CAMSAP1: variants seen among roughly 807,000 people sequenced by gnomAD.
The protein encoded by CAMSAP1 is calmodulin regulated spectrin associated protein 1, also known as calmodulin-regulated spectrin-associated protein 1.
In CAMSAP1, 58 loss-of-function variants were observed where a neutral mutation model predicts 143.5. The observed-to-expected ratio is 0.40, with a 90% CI of 0.33 to 0.50. CAMSAP1 has a LOEUF of 0.50. Ranked by LOEUF, CAMSAP1 falls within the 20% of genes least tolerant of loss-of-function variation. CAMSAP1 has a pLI of 0.45. For synonymous variants in CAMSAP1, 945 were observed against 859.3 expected (o/e 1.10, Z -1.74); for missense variants, 1,969 against 2,115.7 (o/e 0.93, Z 1.36).
At position 135,823,234 on chromosome 9, in the gene CAMSAP1, G is replaced by A. The variant is rs35639321; in HGVS notation, c.1427C>T (p.Ala476Val). The A allele has an allele frequency of 0.034, 53,494 of 1,560,306 alleles. 1,074 individuals carry two copies. Among genetic ancestry groups the A allele is most frequent in the Non-Finnish European group, 0.041 (47,626 of 1,152,182 alleles). ...TRPASQPTPF[A>V]LHHAASCEVD... ...TTCACAACTCGCAGCGTGATGTAGA[G>A]CAAAAGGTGTTGGCTGGGACGCAGG... is the stretch of plus-strand genomic sequence containing the variant. Residue 476 changes from alanine to valine, a missense_variant, in exon 11 of 17, where the codon GCT (alanine) becomes GTT (valine). Physicochemically the swap from Ala to Val is moderately conservative, Grantham distance 64. Transcript: ENST00000389532.
chr9:135,815,294 T>C (rs1363793226), intron 15 of CAMSAP1, 79 bp from the exon 16 acceptor site: 3 of 868,634 alleles, frequency 3.5e-6, no homozygotes, highest in African/African-American at 3.4e-5. Context: ...AGCAATGTCT[T>C]AGAAGCAAGC....
chr9:135,859,191 G>A (rs1163692032), intron 5 of CAMSAP1, among the ~76,000 whole-genome samples: 2 of 152,222 alleles, frequency 1.3e-5, no homozygotes, highest in Non-Finnish European at 2.9e-5. Flanking sequence ...AGTCTCACCT[G>A]TGGCCTTAAT....
Position 135,820,704 on chromosome 9 carries a change from G to C in CAMSAP1, c.3822+135C>G. The C allele has an allele frequency of 8.4e-7, 1 of 1,195,206 alleles. No individual in the cohort carries two copies. The highest frequency in any genetic ancestry group is 1.2e-6 in the Non-Finnish European group (1 of 863,082). 74.0% of individuals were successfully genotyped at this position (1,195,206 alleles called of 1,614,324 possible). A position where few individuals can be genotyped will look rare whatever the true frequency, so the allele number is the denominator to read the frequency against. The stretch of plus-strand genomic sequence containing the variant: ...GGACAGAGACTCTGTGGCCCACAAA[G>C]CTAAACACACACATCCCCTGGCCTC... On this transcript the variant is annotated intron_variant, in intron 11 of 16. Transcript: ENST00000389532. This position sits in a 1 kb window ranked among gnomAD's most constrained non-coding sequence, Gnocchi z 4.4.
At position 135,809,664 on chromosome 9, in the gene CAMSAP1, GAAAT is replaced by G. The variant is rs1264546251; in HGVS notation, c.*1641_*1644del. On this transcript the variant is annotated 3_prime_UTR_variant, in exon 17 of 17. Coordinates refer to ENST00000389532, the MANE Select transcript of CAMSAP1 (RefSeq NM_015447.4). ...TAATATCATATCAAACATACAGTGA[GAAAT>G]AAAGCCCACGTGTGAAAGTATGGTA... The G allele has an allele frequency of 6.6e-6, 1 of 152,630 alleles. No individual in the cohort carries two copies. The highest frequency in any genetic ancestry group is 2.4e-5 in the African/African-American group (1 of 41,450). 9.5% of individuals were successfully genotyped at this position (152,630 alleles called of 1,614,324 possible).
chr9:135,853,773 G>A (rs377649458), intron 5 of CAMSAP1, among the ~76,000 whole-genome samples: 14 of 152,160 alleles, frequency 9.2e-5, no homozygotes, highest in African/African-American at 2.4e-4. Flanking sequence ...CAGAGAACCC[G>A]CTCCGTCAGG....
At chr9:135,845,304 A>ATAAAATTC (rs1836511065) in intron 7 of CAMSAP1, among the ~76,000 whole-genome samples, 1 of 152,240 alleles carries the variant, frequency 6.6e-6, no homozygotes, top group African/African-American at 2.4e-5. Context: ...AAGGCCTTCG[A>ATAAAATTC]TAAAATTCAA....
Position 135,821,681 on chromosome 9 carries a change from G to T in CAMSAP1, c.2980C>A (p.His994Asn). The change falls in exon 11 of 17, where the codon CAC (histidine) becomes AAC (asparagine). Residue 994 changes from histidine to asparagine, a missense_variant. His to Asn is a moderately conservative substitution (Grantham distance 68). Coordinates refer to ENST00000389532, the MANE Select transcript of CAMSAP1 (RefSeq NM_015447.4). This position sits in a 1 kb window ranked among gnomAD's most constrained non-coding sequence, Gnocchi z 4.6. ...QHKAKDPVALHELERNKVISA... is the reference protein window; with the variant it reads ...QHKAKDPVALNELERNKVISA... The stretch of plus-strand genomic sequence containing the variant: ...ATCACCTTATTTCTCTCCAGCTCGT[G>T]CAGAGCCACAGGGTCTTTTGCTTTA... The T allele has an allele frequency of 1.2e-6, 2 of 1,614,026 alleles. No individual in the cohort carries two copies. The highest frequency in any genetic ancestry group is 1.7e-6 in the Non-Finnish European group (2 of 1,179,900).
chr9:135,887,551 T>C (rs1838164517), intron 1 of CAMSAP1, among the ~76,000 whole-genome samples: 1 of 152,088 alleles, frequency 6.6e-6, no homozygotes, highest in African/African-American at 2.4e-5. Context: ...AGGAGGCTGC[T>C]CCTGAGAAAG....
chr9:135,887,790 C>T (rs1418428061), intron 1 of CAMSAP1, among the ~76,000 whole-genome samples: 2 of 151,666 alleles, frequency 1.3e-5, no homozygotes, highest in Non-Finnish European at 2.9e-5. Context: ...AACAAGGACA[C>T]GGGCAGGGCA....
Position 135,822,262 on chromosome 9 carries a change from G to A in CAMSAP1, c.2399C>T (p.Ser800Phe). The change falls in exon 11 of 17, where the codon TCT becomes TTT. Residue 800 changes from serine to phenylalanine, a missense_variant. By Grantham distance (155) the Ser-to-Phe change is radical. Around this residue, in one of 4 missense-constraint regions of CAMSAP1, gnomAD observed 1,390 missense variants for 1,420.8 expected, o/e 0.98. Coordinates refer to ENST00000389532, the MANE Select transcript of CAMSAP1 (RefSeq NM_015447.4). This position sits in a 1 kb window ranked among gnomAD's most constrained non-coding sequence, Gnocchi z 6.1. Reference protein sequence around the residue: ...GRSSPCLSTASQMSSVSMASG... With the variant: ...GRSSPCLSTAFQMSSVSMASG... ...CGCCATGGAGACACTGCTCATCTGA[G>A]AGGCTGTGCTCAGGCAGGGGCTCGA... 1 of 1,613,996 alleles carries A rather than the reference G, an allele frequency of 6.2e-7. No individual in the cohort carries two copies. The highest frequency in any genetic ancestry group is 8.5e-7 in the Non-Finnish European group (1 of 1,179,904).
chr9:135,904,646 A>T (rs1838716021), intron 1 of CAMSAP1, among the ~76,000 whole-genome samples: 1 of 151,914 alleles, frequency 6.6e-6, no homozygotes, highest in Non-Finnish European at 1.5e-5. Flanking sequence ...AGCAAACTAT[A>T]GAATGTAAAA....
intron 4 of CAMSAP1, chr9:135,865,361 G>C (rs984563509): frequency 6.4e-7 from 1 of 1,550,588 alleles, no homozygotes; most frequent in African/African-American, 1.4e-5. Flanking sequence ...CACTTGGAGG[G>C]AGACTGCTCA....
At chr9:135,852,260 C>T (rs146408912) in intron 5 of CAMSAP1, among the ~76,000 whole-genome samples, 39 of 152,264 alleles carry the variant, frequency 2.6e-4, no homozygotes, top group African/African-American at 9.1e-4. Flanking sequence ...CATCAGGTCA[C>T]GTGTGCTGCA....
chr9:135,863,740 G>A (rs1484142078), intron 4 of CAMSAP1, among the ~76,000 whole-genome samples: 1 of 152,000 alleles, frequency 6.6e-6, no homozygotes, highest in Non-Finnish European at 1.5e-5. Context: ...CTTGTTTCTC[G>A]GGAGCCCACG....
chr9:135,872,712 C>A (rs1244459929), intron 3 of CAMSAP1, among the ~76,000 whole-genome samples: 1 of 152,204 alleles, frequency 6.6e-6, no homozygotes, highest in African/African-American at 2.4e-5. Context: ...AATCCACATC[C>A]ACATTAAATG....
chr9:135,879,300 G>C (rs1588498680), intron 3 of CAMSAP1, among the ~76,000 whole-genome samples: 2 of 152,128 alleles, frequency 1.3e-5, no homozygotes, highest in African/African-American at 4.8e-5. Context: ...TATCTGCCAA[G>C]TCCACAGAAA....
chr9:135,855,746 T>C (rs1317341095), intron 5 of CAMSAP1, among the ~76,000 whole-genome samples: 1 of 103,838 alleles, frequency 9.6e-6, no homozygotes, highest in Non-Finnish European at 1.8e-5. Context: ...TTCATCTCAA[T>C]TTAAAAAAAA....
intron 3 of CAMSAP1, among the ~76,000 whole-genome samples, chr9:135,874,560 C>A (rs1291123835): frequency 1.3e-5 from 2 of 150,394 alleles, no homozygotes; most frequent in Admixed American, 1.3e-4. Flanking sequence ...TTCATCATTT[C>A]AATGGTTAAT....
chr9:135,838,955 T>C (rs2131709771), intron 7 of CAMSAP1, among the ~76,000 whole-genome samples: 1 of 152,066 alleles, frequency 6.6e-6, no homozygotes, highest in South Asian at 2.1e-4. Flanking sequence ...CACCACACAC[T>C]TTATATCCGT....
Sources: gnomAD v4.1 joint callset for allele counts (sites outside exome capture counted in the v4.1 genomes callset) on GRCh38, gnomAD v4.1.1 for gene constraint, gnomAD v4.1.1 regional missense constraint, Gnocchi (gnomAD v3.1) non-coding constraint, MANE v1.5 for transcripts, NCBI Gene and HGNC (gene_info 2026-07-23, HGNC 2026-07-21) for gene names.